The following CCDC102B variants were observed in gnomAD, a reference collection of about 807,000 sequenced individuals.
CCDC102B encodes the protein coiled-coil domain containing 102B.
In CCDC102B, 75 loss-of-function variants were observed where a neutral mutation model predicts 57.4. That is an observed-to-expected ratio of 1.31 (90% confidence interval 1.08 to 1.58). The LOEUF (loss-of-function observed/expected upper bound fraction) is 1.58. Ranked by LOEUF, CCDC102B falls within the 40% of genes most tolerant of loss-of-function variation. The pLI, the probability that CCDC102B is intolerant of heterozygous loss-of-function variation, is 0.00. For missense variants in CCDC102B, 636 were observed against 582.6 expected, an observed-to-expected ratio of 1.09 and a Z score of -0.94; for synonymous variants, 206 against 201.9, an observed-to-expected ratio of 1.02 and a Z score of -0.17.
chr18:68,990,728 T>C (rs998974841), intron 6 of CCDC102B, among the ~76,000 whole-genome samples: 2 of 152,146 alleles, frequency 1.3e-5, no homozygotes, highest in African/African-American at 4.8e-5. Flanking sequence ...GCCCCAATCC[T>C]ATAGATTTTT....
chr18:68,970,432 T>A (rs141227427), intron 6 of CCDC102B, among the ~76,000 whole-genome samples: 1 of 152,054 alleles, frequency 6.6e-6, no homozygotes, highest in Non-Finnish European at 1.5e-5. Flanking sequence ...CTGTTTCACA[T>A]CTAACTTGGA....
At chr18:68,971,832 C>T (rs1034031047) in intron 6 of CCDC102B, among the ~76,000 whole-genome samples, 1 of 151,812 alleles carries the variant, frequency 6.6e-6, no homozygotes, top group African/African-American at 2.4e-5. Context: ...CTGGATTGTA[C>T]ACTTATCTAT....
intron 2 of CCDC102B, among the ~76,000 whole-genome samples, chr18:68,785,163 T>C (rs987972195): frequency 2.6e-5 from 4 of 152,062 alleles, no homozygotes; most frequent in Non-Finnish European, 4.4e-5. Flanking sequence ...GAACTCATCC[T>C]TTTTTATGGC....
At chr18:68,754,830 C>T (rs1198160895) in intron 2 of CCDC102B, 1 of 152,116 alleles carries the variant, frequency 6.6e-6, no homozygotes, top group East Asian at 1.9e-4. Flanking sequence ...AGGATCAGTA[C>T]TCTCATAAGA....
rs116872963 is a variant in CCDC102B at position 68,984,008 on chromosome 18, G to C, written c.1264-26926G>C. Reference sequence around the variant, plus strand: ...GGAAGGAGTTTCTCTGTGCAGGAAAGTTAAGATTTTCTTTACTCTGTTTAT... The same window carrying C: ...GGAAGGAGTTTCTCTGTGCAGGAAACTTAAGATTTTCTTTACTCTGTTTAT... On this transcript the variant is annotated intron_variant, in intron 6 of 7. Transcript: ENST00000360242. 6.3e-4 allele frequency among the ~76,000 whole-genome samples: 95 copies of C among 151,960 alleles called. 2 individuals carry two copies. The East Asian group carries it at 0.018, about 29-fold the overall frequency.
intron 2 of CCDC102B, among the ~76,000 whole-genome samples, chr18:68,759,059 C>G (rs1373720019): frequency 6.6e-6 from 1 of 151,322 alleles, no homozygotes; most frequent in Admixed American, 6.6e-5. Context: ...AAGATACACT[C>G]AGGCTTGAAA....
intron 2 of CCDC102B, among the ~76,000 whole-genome samples, chr18:68,791,920 G>C (rs2035475870): frequency 6.7e-6 from 1 of 149,456 alleles, no homozygotes; most frequent in South Asian, 2.1e-4. Flanking sequence ...TTGCCTCTCA[G>C]GGGATATTTG....
At chr18:68,893,010 A>G (rs941228021) in intron 5 of CCDC102B, among the ~76,000 whole-genome samples, 6 of 152,242 alleles carry the variant, frequency 3.9e-5, no homozygotes, top group Admixed American at 3.9e-4. Context: ...TGGCCTGCCA[A>G]GTGGCATATA....
chr18:68,732,291 T>C (rs1346282131), intron 2 of CCDC102B, among the ~76,000 whole-genome samples: 1 of 152,086 alleles, frequency 6.6e-6, no homozygotes, highest in Non-Finnish European at 1.5e-5. Flanking sequence ...AACCATAGCT[T>C]GAAGTCTTAT....
At chr18:68,733,102 A>G (rs971863187) in intron 2 of CCDC102B, among the ~76,000 whole-genome samples, 20 of 152,120 alleles carry the variant, frequency 1.3e-4, no homozygotes, top group Admixed American at 2.6e-4. Flanking sequence ...TTTCTGAACT[A>G]AAACAGCTCA....
At chr18:68,853,061 T>G (rs374691624) in intron 4 of CCDC102B, among the ~76,000 whole-genome samples, 7 of 152,218 alleles carry the variant, frequency 4.6e-5, no homozygotes, top group East Asian at 1.9e-4. Context: ...TCACCCAATA[T>G]TCTTACTTCC....
chr18:68,977,614 G>A (rs1434784545), intron 6 of CCDC102B, among the ~76,000 whole-genome samples: 1 of 151,074 alleles, frequency 6.6e-6, no homozygotes, highest in African/African-American at 2.4e-5. Context: ...TGATTTTATA[G>A]GTTTGTTGCA....
chr18:68,947,012 G>T (rs770251308), intron 6 of CCDC102B, among the ~76,000 whole-genome samples: 21 of 151,944 alleles, frequency 1.4e-4, no homozygotes, highest in African/African-American at 2.2e-4. Context: ...TTTCACATAT[G>T]ATTTGTTTCA....
intron 1 of CCDC102B, among the ~76,000 whole-genome samples, chr18:68,830,670 A>C (rs961050082): frequency 6.2e-5 from 9 of 145,062 alleles, no homozygotes; most frequent in African/African-American, 2.5e-4. Context: ...ATAATACAGA[A>C]ATAGGCTGCT....
intron 6 of CCDC102B, among the ~76,000 whole-genome samples, chr18:68,940,772 C>G (rs910832502): frequency 1.3e-5 from 2 of 151,766 alleles, no homozygotes; most frequent in Non-Finnish European, 2.9e-5. Flanking sequence ...AACTAGAGGT[C>G]TAGAATTAAT....
At chr18:68,939,551 C>T (rs572262097) in intron 6 of CCDC102B, among the ~76,000 whole-genome samples, 100 of 151,570 alleles carry the variant, frequency 6.6e-4, no homozygotes, top group South Asian at 1.2e-3. Flanking sequence ...ATATAGTTTC[C>T]ATTTCATGGC....
intron 6 of CCDC102B, among the ~76,000 whole-genome samples, chr18:68,916,184 T>G (rs1002800635): frequency 2.6e-5 from 4 of 152,158 alleles, no homozygotes; most frequent in African/African-American, 9.7e-5. Flanking sequence ...TCTATCTATC[T>G]ATGCTATTAC....
At chr18:68,786,640 G>C (rs1445567186) in intron 2 of CCDC102B, among the ~76,000 whole-genome samples, 1 of 137,704 alleles carries the variant, frequency 7.3e-6, no homozygotes, top group Admixed American at 7.5e-5. Flanking sequence ...TCTGTTATTG[G>C]TGTATAAGAA....
intron 1 of CCDC102B, among the ~76,000 whole-genome samples, chr18:68,805,590 C>T (rs2036005051): frequency 6.6e-6 from 1 of 152,046 alleles, no homozygotes; most frequent in Admixed American, 6.5e-5. Flanking sequence ...AGTCCATTGA[C>T]AGGAGGCCAT....
Sources: gnomAD v4.1 joint callset for allele counts (sites outside exome capture counted in the v4.1 genomes callset) on GRCh38, gnomAD v4.1.1 for gene constraint, MANE v1.5 for transcripts, NCBI Gene and HGNC (gene_info 2026-07-23, HGNC 2026-07-21) for gene names.